The following EXOG variants were observed in gnomAD, a reference collection of about 807,000 sequenced individuals.
EXOG encodes the protein exo/endonuclease G, also known as nuclease EXOG, mitochondrial.
In EXOG, 27 loss-of-function variants were observed where a neutral mutation model predicts 25.8. The observed-to-expected ratio is 1.05, with a 90% CI of 0.77 to 1.45. The LOEUF (loss-of-function observed/expected upper bound fraction) is 1.45, where lower values mean the gene tolerates loss of function less well. EXOG is among the 40% of genes most tolerant of loss of function. The probability of loss-of-function intolerance (pLI) is 0.00; values close to 1 mark genes in which losing one functional copy is unlikely to be tolerated. For missense variants in EXOG, 458 were observed against 450.5 expected (o/e 1.02, Z -0.15); for synonymous variants, 133 against 167.0 (o/e 0.80, Z 1.57).
chr3:38,506,853 G>T lies in EXOG; in HGVS notation c.531-1G>T. On this transcript the variant is annotated splice_acceptor_variant, in intron 4 of 5. Coordinates refer to ENST00000287675, the MANE Select transcript of EXOG (RefSeq NM_005107.4). LOFTEE classifies it high-confidence loss of function. ...CATACATTTTTTTATTTGTTTTTCA[G>T]AATAGAAATGTACTGTCGAGAGCTG... The T allele has an allele frequency of 6.7e-7, 1 of 1,499,012 alleles. No homozygotes were observed. The highest frequency in any genetic ancestry group is 1.1e-5 in the South Asian group (1 of 87,744). 92.9% of individuals were successfully genotyped at this position (1,499,012 alleles called of 1,614,324 possible).
intron 5 of EXOG, among the ~76,000 whole-genome samples, chr3:38,513,085 A>T (rs2125782789): frequency 6.6e-6 from 1 of 152,358 alleles, no homozygotes; most frequent in Admixed American, 6.5e-5. Flanking sequence ...TAAAGGCGTG[A>T]GCCACCACAC....
At chr3:38,510,499 T>C (rs982341050) in intron 5 of EXOG, among the ~76,000 whole-genome samples, 3 of 152,052 alleles carry the variant, frequency 2.0e-5, no homozygotes, top group African/African-American at 7.2e-5. Flanking sequence ...CTGAAGTGTT[T>C]AGGAGTAAAA....
At position 38,501,509 on chromosome 3, in the gene EXOG, G is replaced by C. The variant is rs1316610692; in HGVS notation, c.453+15G>C. On this transcript the variant is annotated intron_variant, in intron 3 of 5. Transcript: ENST00000287675. ...AATTTTCAAGTGTAGGCATACTTTGGGGGAGGGATGGGAATATGGGGCTGA... is the reference window on the plus strand; with the variant it reads ...AATTTTCAAGTGTAGGCATACTTTGCGGGAGGGATGGGAATATGGGGCTGA... 6.2e-7 allele frequency: 1 copy of C among 1,612,928 alleles called. No individual in the cohort carries two copies. The highest frequency in any genetic ancestry group is 1.7e-5 in the Admixed American group (1 of 60,000).
chr3:38,506,392 A>G (rs1434528629), intron 4 of EXOG, among the ~76,000 whole-genome samples: 1 of 152,212 alleles, frequency 6.6e-6, no homozygotes, highest in Admixed American at 6.5e-5. Context: ...TTTAAAATAA[A>G]TTCATTCAGT....
intron 1 of EXOG, chr3:38,496,893 C>A: frequency 8.2e-7 from 1 of 1,222,598 alleles, no homozygotes. Flanking sequence ...TCTCCATCAT[C>A]TAACCAGCAC....
At chr3:38,497,954 C>T (rs1214679885) in intron 2 of EXOG, 176 bp downstream of exon 2, 7 of 721,428 alleles carry the variant, frequency 9.7e-6, no homozygotes, top group Non-Finnish European at 1.5e-5. Context: ...GAAAGCCAGA[C>T]CCTTTCCAGC....
At chr3:38,505,141 G>A (rs919757984) in intron 4 of EXOG, among the ~76,000 whole-genome samples, 2 of 152,134 alleles carry the variant, frequency 1.3e-5, no homozygotes, top group Non-Finnish European at 1.5e-5. Context: ...TATAGTCAGT[G>A]TTCAAATTTT....
chr3:38,506,752 A>G (rs2060211573), intron 4 of EXOG, 102 bp from the exon 5 acceptor site: 3 of 510,708 alleles, frequency 5.9e-6, no homozygotes, highest in Non-Finnish European at 1.0e-5. Context: ...AATTTCTCAA[A>G]TGCAGTTTTT....
At chr3:38,511,947 G>A (rs547840516) in intron 5 of EXOG, among the ~76,000 whole-genome samples, 31 of 152,182 alleles carry the variant, frequency 2.0e-4, no homozygotes, top group Middle Eastern at 6.3e-3. Flanking sequence ...GAAGACCAGT[G>A]TTTTTTGTAT....
intron 1 of EXOG, 62 bp downstream of exon 1, chr3:38,496,592 G>A (rs929480593): frequency 6.4e-7 from 1 of 1,565,386 alleles, no homozygotes; most frequent in Non-Finnish European, 8.6e-7. Context: ...CTCCTACCTG[G>A]AGTGTGAATG....
intron 2 of EXOG, among the ~76,000 whole-genome samples, chr3:38,498,409 G>A (rs2059954381): frequency 6.6e-6 from 1 of 152,088 alleles, no homozygotes; most frequent in African/African-American, 2.4e-5. Context: ...ACAAAAATTA[G>A]CTGGGCGTGG....
At chr3:38,521,601 T>C (rs2060718279) in intron 5 of EXOG, among the ~76,000 whole-genome samples, 1 of 152,214 alleles carries the variant, frequency 6.6e-6, no homozygotes, top group Non-Finnish European at 1.5e-5. Flanking sequence ...AAAGACTTTG[T>C]TTAACTGCTG....
intron 1 of EXOG, chr3:38,496,925 A>C: frequency 1.7e-6 from 2 of 1,167,718 alleles, no homozygotes; most frequent in South Asian, 1.5e-5. Flanking sequence ...CATAATTGGC[A>C]TTCAGTAAGT....
At position 38,506,749 on chromosome 3, in the gene EXOG, C is replaced by T. The variant is rs2125767824; in HGVS notation, c.531-105C>T. On this transcript the variant is annotated intron_variant, in intron 4 of 5. Transcript: ENST00000287675. Reference sequence around the variant, plus strand: ...TGTGCCATGTTCTTGTTTAATTTCTCAAATGCAGTTTTTCTTGGTATCTTT... The same window carrying T: ...TGTGCCATGTTCTTGTTTAATTTCTTAAATGCAGTTTTTCTTGGTATCTTT... 7.9e-6 allele frequency: 4 copies of T among 505,076 alleles called. No individual in the cohort carries two copies. The South Asian group carries it at 1.1e-4, about 14-fold the overall frequency. The allele number at this position is 505,076 out of a possible 1,614,324, so 31.3% of individuals were successfully genotyped here.
chr3:38,501,837 C>T (rs1294203523), intron 3 of EXOG, among the ~76,000 whole-genome samples: 2 of 152,152 alleles, frequency 1.3e-5, no homozygotes, highest in Non-Finnish European at 2.9e-5. Context: ...CCTCTGCCTC[C>T]CAGGTTCAAG....
chr3:38,513,652 AGCCC>A (rs2125784051), intron 5 of EXOG: 2 of 152,212 alleles, frequency 1.3e-5, no homozygotes, highest in Non-Finnish European at 2.9e-5. Context: ...ATATTCTTGG[AGCCC>A]TCTGACTTTC....
In EXOG at chr3:38,524,035, C is replaced by A; in HGVS notation, c.780C>A (p.Pro260=). The A allele has an allele frequency of 6.2e-7, 1 of 1,614,176 alleles. No homozygotes were observed. Among genetic ancestry groups the A allele is most frequent in the Non-Finnish European group, 8.5e-7 (1 of 1,180,032 alleles). The part of the protein sequence containing the change: ...VVPNEAIGFQ[P]QLTEFQVSLQ... ...CCAATGAAGCCATCGGCTTCCAGCC[C>A]CAGTTAACTGAATTCCAAGTGAGCC... Residue 260 remains proline, a synonymous_variant, in exon 6 of 6, where the codon CCC becomes CCA. Coordinates refer to ENST00000287675, the MANE Select transcript of EXOG (RefSeq NM_005107.4).
intron 2 of EXOG, chr3:38,499,882 A>G: frequency 2.9e-6 from 1 of 350,682 alleles, no homozygotes; most frequent in Non-Finnish European, 5.6e-6. Flanking sequence ...AGGTAAGCGC[A>G]GTCTTGGCAA....
chr3:38,503,165 TGTGAAGTGAATGAACACATA>T (rs2060098905), intron 3 of EXOG, among the ~76,000 whole-genome samples: 1 of 152,170 alleles, frequency 6.6e-6, no homozygotes, highest in African/African-American at 2.4e-5. Flanking sequence ...GGGTGAAAAA[TGTGAAGTGAATGAACACATA>T]GTGGCCAGAT....
Sources: gnomAD v4.1 joint callset for allele counts (sites outside exome capture counted in the v4.1 genomes callset) on GRCh38, gnomAD v4.1.1 for gene constraint, MANE v1.5 for transcripts, NCBI Gene and HGNC (gene_info 2026-07-23, HGNC 2026-07-21) for gene names.